Variants in JAKMIP1 observed in about 807,000 individuals in gnomAD.
JAKMIP1 encodes the protein janus kinase and microtubule-interacting protein 1.
JAKMIP1 carries 33 observed loss-of-function variants against 113.0 expected under a neutral mutation model. The ratio of observed to expected loss-of-function variants is 0.29; its 90% CI spans 0.22 to 0.39. The LOEUF is 0.39. Among genes scored for constraint, JAKMIP1 ranks in the 10% least tolerant of loss-of-function variants. The pLI is 1.00. For synonymous variants in JAKMIP1, 480 were observed against 459.9 expected, an observed-to-expected ratio of 1.04 and a Z score of -0.56; for missense variants, 813 against 1,080.5, an observed-to-expected ratio of 0.75 and a Z score of 3.47.
In JAKMIP1 at chr4:6,185,403, T is replaced by G. The variant is rs988043456; in HGVS notation, c.-148+14850A>C. ...TGGCTCACGCCTGTAATCCCAGCAC[T>G]TTGGGAGGCCGAGGTGGGCGGATCA... On this transcript the variant is annotated intron_variant, in intron 1 of 20. Coordinates refer to ENST00000409021, the MANE Select transcript of JAKMIP1 (RefSeq NM_001099433.2). This position sits in a 1 kb window ranked among gnomAD's most constrained non-coding sequence, Gnocchi z 5.3. Among the ~76,000 whole-genome samples, 7 of 151,706 alleles carry G rather than the reference T, an allele frequency of 4.6e-5. No individual in the cohort carries two copies. Among genetic ancestry groups the G allele is most frequent in the Admixed American group, 2.0e-4 (3 of 15,242 alleles).
At chr4:6,113,686 C>T (rs1458971476) in intron 1 of JAKMIP1, among the ~76,000 whole-genome samples, 1 of 152,334 alleles carries the variant, frequency 6.6e-6, no homozygotes, top group Admixed American at 6.5e-5. Context: ...CAGGACTGAG[C>T]CTAATCACCG....
At chr4:6,124,641 C>T (rs557604514) in intron 1 of JAKMIP1, among the ~76,000 whole-genome samples, 38 of 152,320 alleles carry the variant, frequency 2.5e-4, no homozygotes, top group Admixed American at 1.0e-3. Flanking sequence ...GATGCCCTGT[C>T]GGGGAAAAAG....
At position 6,167,008 on chromosome 4, in the gene JAKMIP1, A is replaced by G. The variant is rs1723721180; in HGVS notation, c.-148+33245T>C. 6.6e-6 allele frequency among the ~76,000 whole-genome samples: 1 copy of G among 151,464 alleles called. No homozygotes were observed. The highest frequency in any genetic ancestry group is 6.6e-5 in the Admixed American group (1 of 15,232). On this transcript the variant is annotated intron_variant, in intron 1 of 20. Coordinates refer to ENST00000409021, the MANE Select transcript of JAKMIP1 (RefSeq NM_001099433.2). The surrounding 1 kb of genome is among the most constrained non-coding windows in gnomAD (Gnocchi z 5.3). ...CAGAATAGGGGTTATAATGACCCCT[A>G]CCTCCTAGGGTCTCTCAAATACTGT...
intron 3 of JAKMIP1, among the ~76,000 whole-genome samples, chr4:6,096,300 T>C (rs776422363): frequency 5.4e-4 from 82 of 152,266 alleles, no homozygotes; most frequent in Admixed American, 1.5e-3. Context: ...TTATATTTAA[T>C]AGGCATTGCT....
intron 16 of JAKMIP1, among the ~76,000 whole-genome samples, chr4:6,043,212 C>G (rs1196902095): frequency 3.3e-5 from 5 of 151,634 alleles, no homozygotes; most frequent in Non-Finnish European, 7.4e-5. Flanking sequence ...GACCCCAGGC[C>G]CCGCTGTAGA....
At position 6,184,158 on chromosome 4, in the gene JAKMIP1, A is replaced by T. The variant is rs1344067754; in HGVS notation, c.-148+16095T>A. ...TAGCTATGTAAAAATTTTATTTTTG[A>T]AAAGACTTCATTTTGCAGATGGGAA... On this transcript the variant is annotated intron_variant, in intron 1 of 20. Transcript: ENST00000409021. The surrounding 1 kb of genome is among the most constrained non-coding windows in gnomAD (Gnocchi z 4.5). Among the ~76,000 whole-genome samples the T allele has an allele frequency of 6.6e-6, 1 of 152,210 alleles. No individual in the cohort carries two copies. Among genetic ancestry groups the T allele is most frequent in the South Asian group, 2.1e-4 (1 of 4,828 alleles).
chr4:6,190,230 T>C (rs1478864070), intron 1 of JAKMIP1, among the ~76,000 whole-genome samples: 1 of 152,056 alleles, frequency 6.6e-6, no homozygotes, highest in Non-Finnish European at 1.5e-5. Context: ...CAGGCTAAAT[T>C]TACAACATGA....
intron 20 of JAKMIP1, among the ~76,000 whole-genome samples, chr4:6,028,287 G>A (rs1053107904): frequency 2.0e-5 from 3 of 152,200 alleles, no homozygotes; most frequent in African/African-American, 4.8e-5. Context: ...TCTGGCAGAC[G>A]GGGACTCTAG....
chr4:6,030,990 A>T (rs916098792), intron 19 of JAKMIP1, among the ~76,000 whole-genome samples: 19 of 152,170 alleles, frequency 1.2e-4, no homozygotes, highest in African/African-American at 4.3e-4. Flanking sequence ...ACATTTAGTC[A>T]CTCAGTAAAT....
At chr4:6,054,260 C>A in intron 12 of JAKMIP1, 112 bp from the exon 13 acceptor site, 1 of 1,041,774 alleles carries the variant, frequency 9.6e-7, no homozygotes. Flanking sequence ...GCCACGGAGG[C>A]AAGGGGCAGG....
chr4:6,149,828 C>T (rs940184005), intron 1 of JAKMIP1, among the ~76,000 whole-genome samples: 1 of 152,096 alleles, frequency 6.6e-6, no homozygotes, highest in Non-Finnish European at 1.5e-5. Context: ...AGCATCTCAG[C>T]AACTGCATCA....
chr4:6,181,348 G>A lies in JAKMIP1; in HGVS notation c.-148+18905C>T, dbSNP rs538167174. On this transcript the variant is annotated intron_variant, in intron 1 of 20. Transcript: ENST00000409021. This position sits in a 1 kb window ranked among gnomAD's most constrained non-coding sequence, Gnocchi z 5.4. ...GGCTCGAAGAGTAACACTAATTACA[G>A]GCCTGGAGTACATAAACCAAGATGA... Among the ~76,000 whole-genome samples the A allele has an allele frequency of 2.0e-5, 3 of 152,250 alleles. No individual in the cohort carries two copies. The highest frequency in any genetic ancestry group is 1.9e-4 in the East Asian group (1 of 5,164).
intron 1 of JAKMIP1, among the ~76,000 whole-genome samples, chr4:6,160,377 A>C (rs1227037688): frequency 6.6e-6 from 1 of 152,214 alleles, no homozygotes; most frequent in South Asian, 2.1e-4. Context: ...ATTTATAACC[A>C]AATTAAAAGG....
Position 6,081,061 on chromosome 4 carries a change from C to G in JAKMIP1, c.1101+548G>C, listed in dbSNP as rs1032505731. Among the ~76,000 whole-genome samples, 4 of 150,574 alleles carry G rather than the reference C, an allele frequency of 2.7e-5. No individual in the cohort carries two copies. The highest frequency in any genetic ancestry group is 5.9e-5 in the Non-Finnish European group (4 of 67,892). On this transcript the variant is annotated intron_variant, in intron 6 of 20. Transcript: ENST00000409021. The surrounding 1 kb of genome is among the most constrained non-coding windows in gnomAD (Gnocchi z 4.6). Reference sequence around the variant, plus strand: ...CAGCAGAGCATGTGTGGTGACAGAGCCTCCGTCTTCCCGGCTGTGAAGTGG... The same window carrying G: ...CAGCAGAGCATGTGTGGTGACAGAGGCTCCGTCTTCCCGGCTGTGAAGTGG...
In JAKMIP1 at chr4:6,137,891, G is replaced by C. The variant is rs1363831066; in HGVS notation, c.-147-24894C>G. On this transcript the variant is annotated intron_variant, in intron 1 of 20. Transcript: ENST00000409021. The surrounding 1 kb of genome is among the most constrained non-coding windows in gnomAD (Gnocchi z 4.5). ...GTCCAACCATGGCCTTCTCCTTCCT[G>C]GCATGGGCCTGGCAGACAAGGTGTG... is the stretch of plus-strand genomic sequence containing the variant. 6.6e-6 allele frequency among the ~76,000 whole-genome samples: 1 copy of C among 152,214 alleles called. No individual in the cohort carries two copies. Among genetic ancestry groups the C allele is most frequent in the African/African-American group, 2.4e-5 (1 of 41,456 alleles).
intron 1 of JAKMIP1, among the ~76,000 whole-genome samples, chr4:6,190,913 G>A (rs1727186652): frequency 6.6e-6 from 1 of 152,180 alleles, no homozygotes. Context: ...GAGCAGAGAG[G>A]TTGCATCAAA....
In JAKMIP1 at chr4:6,054,042, T is replaced by A; in HGVS notation, c.1806+8A>T. ...GTTTGAGAGTTTACAACAGATAGAG[T>A]CTCTTACTTCGAGTTCTAGCACTCT... On this transcript the variant is annotated splice_region_variant and intron_variant, in intron 13 of 20. Transcript: ENST00000409021. The A allele has an allele frequency of 6.2e-7, 1 of 1,614,078 alleles. No individual in the cohort carries two copies.
chr4:6,075,396 C>T (rs1411596399), intron 8 of JAKMIP1, among the ~76,000 whole-genome samples: 3 of 152,116 alleles, frequency 2.0e-5, no homozygotes, highest in Non-Finnish European at 4.4e-5. Context: ...GCTTGGGCCC[C>T]GATGGATCCA....
chr4:6,126,966 C>T (rs985795139), intron 1 of JAKMIP1, among the ~76,000 whole-genome samples: 5 of 151,786 alleles, frequency 3.3e-5, no homozygotes, highest in African/African-American at 1.2e-4. Flanking sequence ...AACACACACA[C>T]CACACCATAC....
Sources: gnomAD v4.1 joint callset for allele counts (sites outside exome capture counted in the v4.1 genomes callset) on GRCh38, gnomAD v4.1.1 for gene constraint, Gnocchi (gnomAD v3.1) non-coding constraint, MANE v1.5 for transcripts, NCBI Gene and HGNC (gene_info 2026-07-23, HGNC 2026-07-21) for gene names.